The following SEZ6L variants were observed in gnomAD, a reference collection of about 807,000 sequenced individuals.
SEZ6L encodes seizure 6-like protein.
A neutral mutation model predicts 106.2 loss-of-function variants in SEZ6L; 37 were observed. That is an observed-to-expected ratio of 0.35 (90% CI 0.27 to 0.46). SEZ6L has a LOEUF of 0.46. Among genes scored for constraint, SEZ6L ranks in the 20% least tolerant of loss-of-function variants. SEZ6L has a pLI of 1.00. For synonymous variants in SEZ6L, 541 were observed against 570.4 expected, an observed-to-expected ratio of 0.95 and a Z score of 0.73; for missense variants, 1,172 against 1,332.8, an observed-to-expected ratio of 0.88 and a Z score of 1.88.
chr22:26,179,837 C>T (rs1000577307), intron 1 of SEZ6L, among the ~76,000 whole-genome samples: 15 of 152,296 alleles, frequency 9.8e-5, no homozygotes, highest in East Asian at 1.9e-4. Flanking sequence ...CTTACCCATT[C>T]GCTATTATGG....
At chr22:26,318,542 CACTT>C (rs1287280305) in intron 9 of SEZ6L, among the ~76,000 whole-genome samples, 3 of 152,152 alleles carry the variant, frequency 2.0e-5, no homozygotes, top group Admixed American at 1.3e-4. Flanking sequence ...TGTTTTTAAG[CACTT>C]ACTATTTGTA....
intron 10 of SEZ6L, 96 bp from the exon 11 acceptor site, chr22:26,347,623 T>C: frequency 9.4e-7 from 1 of 1,059,012 alleles, no homozygotes; most frequent in South Asian, 1.7e-5. Flanking sequence ...TCTAGAGGCT[T>C]TTTTTTCTCT....
intron 1 of SEZ6L, among the ~76,000 whole-genome samples, chr22:26,266,578 TAAATAAATAAATAA>T (rs1205421084): frequency 1.8e-4 from 2 of 11,070 alleles, no homozygotes; most frequent in African/African-American, 3.1e-3. Context: ...GTCTCAAAAA[TAAATAAATAAATAA>T]ATAAATAAAT....
chr22:26,291,976 AAAGGAAGGAAGGAAGGAAGGAAGG>A (rs56887152), intron 1 of SEZ6L, among the ~76,000 whole-genome samples: 46 of 123,314 alleles, frequency 3.7e-4, no homozygotes, highest in South Asian at 2.5e-3. Flanking sequence ...GTCTTCAGGA[AAAGGAAGGAAGGAAGGAAGGAAGG>A]AAGGAAGGAA....
chr22:26,183,742 T>A (rs1266842027), intron 1 of SEZ6L, among the ~76,000 whole-genome samples: 2 of 152,196 alleles, frequency 1.3e-5, no homozygotes, highest in East Asian at 3.9e-4. Context: ...TGAGCAGAAC[T>A]GCAGAGAATT....
intron 1 of SEZ6L, among the ~76,000 whole-genome samples, chr22:26,173,248 C>T (rs903686663): frequency 6.6e-6 from 1 of 152,190 alleles, no homozygotes; most frequent in Non-Finnish European, 1.5e-5. Flanking sequence ...AAAGGGCAAA[C>T]TGCTCCTATT....
At position 26,294,278 on chromosome 22, in the gene SEZ6L, G is replaced by C. The variant is rs913871994; in HGVS notation, c.836-14G>C. 5 of 1,613,512 alleles carry C rather than the reference G, an allele frequency of 3.1e-6. No homozygotes were observed. The highest frequency in any genetic ancestry group is 1.7e-4 in the Middle Eastern group (1 of 6,056). On this transcript the variant is annotated splice_polypyrimidine_tract_variant and intron_variant, in intron 2 of 16. Transcript: ENST00000248933. ...AGTTGTCTTTGGTGTCCTAATTAAA[G>C]TCCTTCCTTCCAGCTCTCTGCAGTG... is the stretch of plus-strand genomic sequence containing the variant.
intron 1 of SEZ6L, among the ~76,000 whole-genome samples, chr22:26,203,763 C>G (rs1216778826): frequency 6.6e-6 from 1 of 152,116 alleles, no homozygotes; most frequent in Admixed American, 6.6e-5. Flanking sequence ...GGTTTGGAAC[C>G]CTGGTATGTT....
chr22:26,294,473 G>T, intron 3 of SEZ6L, 48 bp downstream of exon 3: 1 of 1,588,900 alleles, frequency 6.3e-7, no homozygotes, highest in Middle Eastern at 1.9e-4. Context: ...CTAGCAGGAA[G>T]TCTCAGGAGG....
At chr22:26,234,560 C>A (rs2078900028) in intron 1 of SEZ6L, among the ~76,000 whole-genome samples, 1 of 152,180 alleles carries the variant, frequency 6.6e-6, no homozygotes, top group Non-Finnish European at 1.5e-5. Flanking sequence ...TACTGACAGC[C>A]CAGAACAGCA....
intron 1 of SEZ6L, among the ~76,000 whole-genome samples, chr22:26,208,846 CTCTCTG>C (rs780501147): frequency 0.02 from 2,410 of 117,742 alleles, 17 homozygotes; most frequent in Middle Eastern, 0.045. Flanking sequence ...TCTTGACTCT[CTCTCTG>C]TGTGTGTGTG....
At chr22:26,356,468 C>T (rs2083438920) in intron 12 of SEZ6L, among the ~76,000 whole-genome samples, 1 of 151,776 alleles carries the variant, frequency 6.6e-6, no homozygotes. Context: ...ATAGTGAAAC[C>T]CCGTCTCTAC....
intron 1 of SEZ6L, among the ~76,000 whole-genome samples, chr22:26,233,417 C>A (rs1244792464): frequency 1.3e-5 from 2 of 152,218 alleles, no homozygotes; most frequent in African/African-American, 4.8e-5. Context: ...CACTCTCCAC[C>A]TTCCCACCCA....
At chr22:26,250,606 G>A (rs1475271176) in intron 1 of SEZ6L, among the ~76,000 whole-genome samples, 2 of 152,146 alleles carry the variant, frequency 1.3e-5, no homozygotes, top group African/African-American at 4.8e-5. Context: ...GATGCCTCCA[G>A]CTTTGTTCTT....
rs114343853 is a variant in SEZ6L, at chr22:26,377,792, C to A, written c.3045+17C>A. The stretch of plus-strand genomic sequence containing the variant: ...GAGACAGGGGTGAGTTGGTCTCTCT[C>A]GTCTCTTCCCAATTCCCTCCCTCTT... On this transcript the variant is annotated intron_variant, in intron 16 of 16. Transcript: ENST00000248933. 734 of 1,534,878 alleles carry A rather than the reference C, an allele frequency of 4.8e-4. 2 individuals carry two copies. In the African/African-American group the frequency reaches 9.1e-3, roughly 19 times the overall value.
chr22:26,324,995 T>C (rs1476987973), intron 9 of SEZ6L, among the ~76,000 whole-genome samples: 1 of 152,100 alleles, frequency 6.6e-6, no homozygotes, highest in Non-Finnish European at 1.5e-5. Flanking sequence ...CTTCATGTAT[T>C]TGGGGATGGG....
chr22:26,324,130 G>A (rs2082240388), intron 9 of SEZ6L, among the ~76,000 whole-genome samples: 2 of 147,734 alleles, frequency 1.4e-5, no homozygotes, highest in South Asian at 4.2e-4. Flanking sequence ...AAACGGTAGG[G>A]AAGTGCTCCA....
chr22:26,222,280 T>C (rs994151043), intron 1 of SEZ6L, among the ~76,000 whole-genome samples: 1 of 152,116 alleles, frequency 6.6e-6, no homozygotes, highest in Non-Finnish European at 1.5e-5. Context: ...CCTTTGAGGG[T>C]TTCTAGTCCA....
intron 11 of SEZ6L, among the ~76,000 whole-genome samples, chr22:26,350,655 CTT>C (rs1181293548): frequency 2.8e-4 from 37 of 130,302 alleles, no homozygotes; most frequent in Admixed American, 4.6e-4. Flanking sequence ...AGTTAGGAAA[CTT>C]TTTTTTTTTT....
Sources: gnomAD v4.1 joint callset for allele counts (sites outside exome capture counted in the v4.1 genomes callset) on GRCh38, gnomAD v4.1.1 for gene constraint, MANE v1.5 for transcripts, NCBI Gene and HGNC (gene_info 2026-07-23, HGNC 2026-07-21) for gene names.